The following ESRRB variants were observed in gnomAD, a reference collection of about 807,000 sequenced individuals.
ESRRB encodes steroid hormone receptor ERR2.
Under a neutral mutation model 46.0 loss-of-function variants are expected in ESRRB, and 16 were observed. That is an observed-to-expected ratio of 0.35 (90% CI 0.24 to 0.53). The LOEUF (loss-of-function observed/expected upper bound fraction) is 0.53. Among genes scored for constraint, ESRRB ranks in the 20% least tolerant of loss-of-function variants. The probability of loss-of-function intolerance (pLI) is 0.93; values close to 1 mark genes in which losing one functional copy is unlikely to be tolerated. For synonymous variants in ESRRB, 246 were observed against 259.6 expected (o/e 0.95, Z 0.50); for missense variants, 488 against 607.4 (o/e 0.80, Z 2.07).
At chr14:76,365,269 G>A (rs1884506873) in intron 1 of ESRRB, among the ~76,000 whole-genome samples, 1 of 152,214 alleles carries the variant, frequency 6.6e-6, no homozygotes. Flanking sequence ...GAGTCCAGGA[G>A]TTCAAGGCCA....
chr14:76,410,422 C>T (rs888674818), intron 1 of ESRRB, among the ~76,000 whole-genome samples: 5 of 152,210 alleles, frequency 3.3e-5, no homozygotes, highest in African/African-American at 1.2e-4. Flanking sequence ...GTCCCCTAGA[C>T]AGAATCCCTA....
intron 1 of ESRRB, among the ~76,000 whole-genome samples, chr14:76,425,667 C>A (rs556476892): frequency 6.6e-6 from 1 of 152,208 alleles, no homozygotes; most frequent in Non-Finnish European, 1.5e-5. Flanking sequence ...GCAGCTCTAT[C>A]TGGACACTCC....
At chr14:76,374,124 T>A (rs1884688124), upstream of ESRRB, among the ~76,000 whole-genome samples, 1 of 152,064 alleles carries the variant, frequency 6.6e-6, no homozygotes, top group South Asian at 2.1e-4. Context: ...CACTCCAAAC[T>A]CCTACAGGTT....
intron 1 of ESRRB, among the ~76,000 whole-genome samples, chr14:76,436,570 A>G (rs1442566482): frequency 6.6e-6 from 1 of 152,116 alleles, no homozygotes; most frequent in African/African-American, 2.4e-5. Context: ...AGGGGATTAA[A>G]AGTTAGGATG....
chr14:76,480,228 A>C (rs1218990140), intron 3 of ESRRB, among the ~76,000 whole-genome samples: 1 of 152,172 alleles, frequency 6.6e-6, no homozygotes, highest in Admixed American at 6.5e-5. Flanking sequence ...CCGACTAAAA[A>C]ACGTTTAGCA....
At chr14:76,450,187 A>T (rs1042041231) in intron 2 of ESRRB, among the ~76,000 whole-genome samples, 5 of 152,170 alleles carry the variant, frequency 3.3e-5, no homozygotes, top group Admixed American at 3.3e-4. Context: ...AGGTTGTGCT[A>T]ATAAGGTGAC....
intron 1 of ESRRB, among the ~76,000 whole-genome samples, chr14:76,364,535 T>G (rs1354923659): frequency 1.3e-5 from 2 of 151,996 alleles, no homozygotes; most frequent in Admixed American, 1.3e-4. Context: ...CTAAAAGAAA[T>G]GCAAAAATTA....
chr14:76,402,500 A>G (rs141318031), intron 1 of ESRRB, among the ~76,000 whole-genome samples: 2 of 152,130 alleles, frequency 1.3e-5, no homozygotes, highest in African/African-American at 4.8e-5. Context: ...GTTGAATCCC[A>G]TGACTCTGGG....
At chr14:76,407,436 C>T (rs974704303) in intron 1 of ESRRB, 7 of 616,928 alleles carry the variant, frequency 1.1e-5, no homozygotes, top group East Asian at 1.4e-4. Context: ...GAGCCTGCAT[C>T]GAGCAGAGCC....
At chr14:76,367,979 G>T (rs1272093602), upstream of ESRRB, among the ~76,000 whole-genome samples, 1 of 141,748 alleles carries the variant, frequency 7.1e-6, no homozygotes, top group Non-Finnish European at 1.5e-5. Flanking sequence ...TTGAGACGGA[G>T]TCTCGCTCTG....
At position 76,498,925 on chromosome 14, in the gene ESRRB, C is replaced by A; in HGVS notation, c.*467C>A. The A allele has an allele frequency of 2.0e-6, 1 of 504,972 alleles. No individual in the cohort carries two copies. Among genetic ancestry groups the A allele is most frequent in the Non-Finnish European group, 4.1e-6 (1 of 242,680 alleles). The allele number at this position is 504,972 out of a possible 1,614,324, so 31.3% of individuals were successfully genotyped here. ...CCGCAGAGGGCAGGTACGCAAGGGA[C>A]AACAGTATCTTTCTTCCAGAGGTCC... On this transcript the variant is annotated 3_prime_UTR_variant, in exon 7 of 7. Transcript: ENST00000644823.
At chr14:76,336,142 T>C (rs1291013485) in intron 1 of ESRRB, among the ~76,000 whole-genome samples, 1 of 152,166 alleles carries the variant, frequency 6.6e-6, no homozygotes, top group Non-Finnish European at 1.5e-5. Flanking sequence ...TTTCACCCAA[T>C]CTGCAAAATC....
At chr14:76,393,904 G>GA (rs1002581746) in intron 1 of ESRRB, among the ~76,000 whole-genome samples, 2 of 151,680 alleles carry the variant, frequency 1.3e-5, no homozygotes, top group Non-Finnish European at 2.9e-5. Flanking sequence ...AGGTTCAAGC[G>GA]AATCTCCTGC....
intron 1 of ESRRB, among the ~76,000 whole-genome samples, chr14:76,348,757 G>A (rs567423010): frequency 3.9e-5 from 6 of 152,266 alleles, no homozygotes; most frequent in Admixed American, 2.6e-4. Context: ...GGGTGATTGC[G>A]GGGTTTTGGG....
intron 1 of ESRRB, among the ~76,000 whole-genome samples, chr14:76,334,214 C>T (rs1382923887): frequency 6.6e-6 from 1 of 151,986 alleles, no homozygotes; most frequent in Non-Finnish European, 1.5e-5. Context: ...GGGTGGGTGG[C>T]GAGGGGGACG....
chr14:76,367,630 C>T (rs1884538961), upstream of ESRRB, among the ~76,000 whole-genome samples: 1 of 151,960 alleles, frequency 6.6e-6, no homozygotes, highest in Non-Finnish European at 1.5e-5. Flanking sequence ...TGGGGAGCTG[C>T]CCTCCTGAAC....
intron 2 of ESRRB, among the ~76,000 whole-genome samples, chr14:76,448,430 G>A (rs983783972): frequency 1.3e-5 from 2 of 150,530 alleles, no homozygotes; most frequent in African/African-American, 2.4e-5. Flanking sequence ...CCAGGTCCAA[G>A]TGATTCTTCT....
intron 2 of ESRRB, among the ~76,000 whole-genome samples, chr14:76,443,456 A>G (rs1011778774): frequency 6.6e-6 from 1 of 151,848 alleles, no homozygotes; most frequent in African/African-American, 2.4e-5. Context: ...AAGAATGAGA[A>G]CCTCCAGTAT....
intron 1 of ESRRB, among the ~76,000 whole-genome samples, chr14:76,321,697 C>T (rs138263040): frequency 6.6e-6 from 1 of 152,180 alleles, no homozygotes; most frequent in East Asian, 1.9e-4. Context: ...TTTTGAGAGC[C>T]TGTTCTGTGC....
Sources: allele counts gnomAD v4.1 joint callset (sites outside exome capture counted in the v4.1 genomes callset), GRCh38; gene constraint gnomAD v4.1.1; transcripts MANE v1.5; gene names NCBI Gene and HGNC (gene_info 2026-07-23, HGNC 2026-07-21).